MALRD1: variants seen among roughly 807,000 people sequenced by gnomAD.
MALRD1 encodes MAM and LDL-receptor class A domain-containing protein 1.
MALRD1 carries 247 observed loss-of-function variants against 242.1 expected under a neutral mutation model. The observed-to-expected ratio is 1.02, with a 90% CI of 0.92 to 1.13. The LOEUF (loss-of-function observed/expected upper bound fraction) is 1.13, where lower values mean the gene tolerates loss of function less well. Among genes scored for constraint, MALRD1 ranks in the 50% most tolerant of loss-of-function variants. MALRD1 has a pLI of 0.00. For synonymous variants in MALRD1, 995 were observed against 866.6 expected (o/e 1.15, Z -2.60); for missense variants, 2,989 against 2,533.1 (o/e 1.18, Z -3.86).
intron 14 of MALRD1, among the ~76,000 whole-genome samples, chr10:19,186,889 A>AC (rs1259091402): frequency 2.0e-5 from 3 of 152,112 alleles, no homozygotes; most frequent in African/African-American, 4.8e-5. Flanking sequence ...GTGATAGGTA[A>AC]AAAAGGGGCG....
intron 34 of MALRD1, among the ~76,000 whole-genome samples, chr10:19,606,716 A>C (rs145648116): frequency 1.2e-3 from 185 of 152,154 alleles, no homozygotes; most frequent in African/African-American, 4.1e-3. Flanking sequence ...CCAGAGGAGA[A>C]CCAGAAAAGG....
intron 28 of MALRD1, among the ~76,000 whole-genome samples, chr10:19,441,251 G>A (rs1160055274): frequency 6.6e-6 from 1 of 152,186 alleles, no homozygotes; most frequent in Non-Finnish European, 1.5e-5. Context: ...TCCTTTGTAA[G>A]ATGGGTAGAT....
chr10:19,400,032 C>A (rs1404217783), intron 28 of MALRD1, among the ~76,000 whole-genome samples: 2 of 152,124 alleles, frequency 1.3e-5, no homozygotes, highest in African/African-American at 4.8e-5. Flanking sequence ...ACTGAGTTTC[C>A]AGCTCCTTCC....
intron 29 of MALRD1, among the ~76,000 whole-genome samples, chr10:19,480,352 G>C (rs1015046093): frequency 3.9e-5 from 6 of 152,296 alleles, no homozygotes; most frequent in African/African-American, 1.2e-4. Context: ...CCAGATAGCA[G>C]TTAAAATCAA....
At chr10:19,714,414 T>C (rs1345408780) in intron 38 of MALRD1, among the ~76,000 whole-genome samples, 1 of 152,092 alleles carries the variant, frequency 6.6e-6, no homozygotes, top group African/African-American at 2.4e-5. Flanking sequence ...TGTTTGGGTG[T>C]TCTTCCACCA....
At chr10:19,404,947 G>T (rs1017183254) in intron 28 of MALRD1, among the ~76,000 whole-genome samples, 4 of 152,102 alleles carry the variant, frequency 2.6e-5, no homozygotes, top group Non-Finnish European at 2.9e-5. Context: ...GCTTTTCCTT[G>T]TAACTTCTTA....
intron 33 of MALRD1, 54 bp downstream of exon 33, chr10:19,567,757 A>G (rs1287966636): frequency 2.4e-5 from 34 of 1,427,306 alleles, no homozygotes; most frequent in African/African-American, 5.7e-5. Flanking sequence ...GTATCTAAAT[A>G]TACTAAAGAT....
intron 18 of MALRD1, among the ~76,000 whole-genome samples, chr10:19,212,869 C>T (rs1388005710): frequency 6.6e-6 from 1 of 152,130 alleles, no homozygotes; most frequent in Non-Finnish European, 1.5e-5. Context: ...TGCTTATTTA[C>T]CAAACAAATG....
intron 33 of MALRD1, among the ~76,000 whole-genome samples, chr10:19,568,690 AATATATATT>A (rs1424464595): frequency 1.3e-5 from 2 of 151,774 alleles, no homozygotes; most frequent in Non-Finnish European, 2.9e-5. Context: ...ATAAGAAAAA[AATATATATT>A]CTAGATCATC....
At chr10:19,524,668 C>CAT (rs1209971068) in intron 31 of MALRD1, among the ~76,000 whole-genome samples, 7 of 151,792 alleles carry the variant, frequency 4.6e-5, no homozygotes, top group Admixed American at 1.3e-4. Flanking sequence ...TTGAAAGAGG[C>CAT]ATAATGCACA....
chr10:19,440,958 C>T (rs59186392), intron 28 of MALRD1, among the ~76,000 whole-genome samples: 8,658 of 151,056 alleles, frequency 0.057, 828 homozygotes, highest in African/African-American at 0.2. Context: ...ACAGTCCCAC[C>T]AACAGTGTAA....
rs149349882 is a variant in MALRD1, at chr10:19,199,130, C to T, written c.1952-4598C>T. On this transcript the variant is annotated intron_variant, in intron 14 of 39. Coordinates refer to ENST00000454679, the MANE Select transcript of MALRD1 (RefSeq NM_001142308.3). ...ACTAGAATACTCAATTAACTTTTGTCCTCCTTCATGCAACTTTCAGCAGGG... is the reference window on the plus strand; with the variant it reads ...ACTAGAATACTCAATTAACTTTTGTTCTCCTTCATGCAACTTTCAGCAGGG... Among the ~76,000 whole-genome samples the T allele has an allele frequency of 2.7e-3, 414 of 152,018 alleles. 3 individuals carry two copies. Among genetic ancestry groups the T allele is most frequent in the African/African-American group, 9.6e-3 (396 of 41,444 alleles).
intron 14 of MALRD1, among the ~76,000 whole-genome samples, chr10:19,179,607 G>T (rs1353518137): frequency 1.3e-5 from 2 of 151,136 alleles, no homozygotes; most frequent in Non-Finnish European, 3.0e-5. Context: ...GACAGAGAGA[G>T]ACCCTGTCTG....
chr10:19,169,244 ACATTTCAAAACT>A (rs1413906087), intron 13 of MALRD1, among the ~76,000 whole-genome samples: 1 of 152,070 alleles, frequency 6.6e-6, no homozygotes, highest in Non-Finnish European at 1.5e-5. Context: ...TGAGCTATTC[ACATTTCAAAACT>A]CATCTGACCC....
At chr10:19,356,030 T>G (rs1372812243) in intron 26 of MALRD1, among the ~76,000 whole-genome samples, 1 of 150,826 alleles carries the variant, frequency 6.6e-6, no homozygotes, top group African/African-American at 2.4e-5. Context: ...ATTTTATATG[T>G]GTAAATTGTT....
At chr10:19,599,874 T>A (rs1838273265) in intron 34 of MALRD1, among the ~76,000 whole-genome samples, 1 of 152,142 alleles carries the variant, frequency 6.6e-6, no homozygotes, top group South Asian at 2.1e-4. Context: ...ATTAATCTGC[T>A]GGTGGTGATA....
intron 26 of MALRD1, among the ~76,000 whole-genome samples, chr10:19,354,923 A>T (rs889287451): frequency 2.0e-5 from 3 of 152,166 alleles, no homozygotes; most frequent in Non-Finnish European, 4.4e-5. Context: ...AAATTTGGAG[A>T]AAAGTAAGCA....
chr10:19,192,526 T>C (rs1836032694), intron 14 of MALRD1, among the ~76,000 whole-genome samples: 1 of 152,100 alleles, frequency 6.6e-6, no homozygotes, highest in South Asian at 2.1e-4. Flanking sequence ...ATCTCAGTCT[T>C]GCAGCCACAA....
At chr10:19,574,709 A>T (rs1175371650) in intron 33 of MALRD1, among the ~76,000 whole-genome samples, 2 of 152,134 alleles carry the variant, frequency 1.3e-5, no homozygotes, top group Middle Eastern at 3.2e-3. Context: ...GAAATAGATG[A>T]TTGCTTAAAT....
Sources: gnomAD v4.1 joint callset for allele counts (sites outside exome capture counted in the v4.1 genomes callset) on GRCh38, gnomAD v4.1.1 for gene constraint, MANE v1.5 for transcripts, NCBI Gene and HGNC (gene_info 2026-07-23, HGNC 2026-07-21) for gene names.